The following LRRC7 variants were observed in gnomAD, a reference collection of about 807,000 sequenced individuals.
LRRC7 encodes the protein leucine-rich repeat-containing protein 7.
In LRRC7, 23 loss-of-function variants were observed where a neutral mutation model predicts 175.7. The observed-to-expected ratio is 0.13, with a 90% confidence interval of 0.09 to 0.19. The LOEUF is 0.19. LRRC7 is among the 10% of genes least tolerant of loss of function. LRRC7 has a pLI of 1.00. For synonymous variants in LRRC7, 685 were observed against 680.9 expected, an observed-to-expected ratio of 1.01 and a Z score of -0.09; for missense variants, 1,354 against 1,904.7, an observed-to-expected ratio of 0.71 and a Z score of 5.38.
At chr1:69,849,083 C>T (rs1016633988) in intron 7 of LRRC7, among the ~76,000 whole-genome samples, 1 of 151,968 alleles carries the variant, frequency 6.6e-6, no homozygotes, top group African/African-American at 2.4e-5. Flanking sequence ...TAATAGGACT[C>T]CTGTTCACAT....
intron 7 of LRRC7, chr1:69,874,546 A>G (rs993567110): frequency 6.6e-6 from 1 of 152,114 alleles, no homozygotes; most frequent in African/African-American, 2.4e-5. Context: ...TTTTTATAAA[A>G]CAGGTGTGAG....
intron 1 of LRRC7, among the ~76,000 whole-genome samples, chr1:69,677,353 G>T (rs1445230373): frequency 7.1e-6 from 1 of 141,630 alleles, no homozygotes; most frequent in African/African-American, 2.6e-5. Flanking sequence ...TCATATATTT[G>T]CAATTGTGAA....
chr1:69,801,997 A>G (rs1676569220), intron 4 of LRRC7, among the ~76,000 whole-genome samples: 1 of 149,548 alleles, frequency 6.7e-6, no homozygotes, highest in Admixed American at 6.7e-5. Flanking sequence ...TCAGGGGTAT[A>G]TTGTTTAATT....
rs1317113671 is a variant in LRRC7 at position 70,138,142 on chromosome 1, A to G, written c.*16255A>G. ...GTGTCATTGCGCATCAACTTAGAAA[A>G]TGTGAATTGATTAAAAATATGTGAT... is the stretch of plus-strand genomic sequence containing the variant. On this transcript the variant is annotated 3_prime_UTR_variant, in exon 27 of 27. Coordinates refer to ENST00000651989, the MANE Select transcript of LRRC7 (RefSeq NM_001370785.2). The G allele has an allele frequency of 6.6e-6, 1 of 152,218 alleles. No individual in the cohort carries two copies. The highest frequency in any genetic ancestry group is 1.9e-4 in the East Asian group (1 of 5,200). 9.4% of individuals were successfully genotyped at this position (152,218 alleles called of 1,614,324 possible).
At position 70,036,566 on chromosome 1, in the gene LRRC7, G is replaced by A. The variant is rs1209899583; in HGVS notation, c.2230G>A (p.Val744Met). The A allele has an allele frequency of 1.9e-6, 3 of 1,614,094 alleles. No individual in the cohort carries two copies. The highest frequency in any genetic ancestry group is 2.5e-6 in the Non-Finnish European group (3 of 1,179,964). The change falls in exon 20 of 27, where the codon GTG (valine) becomes ATG (methionine). Residue 744 changes from valine to methionine, a missense_variant. Val to Met is a conservative substitution (Grantham distance 21, BLOSUM62 1). Transcript: ENST00000651989. ...SSGSSNTRVK[V>M]GSLQTTAKDA... ...AGGATCCTCTAATACCCGGGTTAAA[G>A]TGGGGTCCTTGCAGACAACAGCTAA...
At chr1:69,729,242 A>T (rs182192372) in intron 2 of LRRC7, among the ~76,000 whole-genome samples, 30 of 152,198 alleles carry the variant, frequency 2.0e-4, no homozygotes, top group Admixed American at 1.1e-3. Context: ...GCCTCTTCCA[A>T]ATCTCGTGTC....
At chr1:69,757,700 A>G (rs1670584196) in intron 2 of LRRC7, among the ~76,000 whole-genome samples, 2 of 151,956 alleles carry the variant, frequency 1.3e-5, no homozygotes, top group Non-Finnish European at 2.9e-5. Context: ...AAAATGTGCA[A>G]TGATAGCAAC....
intron 7 of LRRC7, among the ~76,000 whole-genome samples, chr1:69,891,318 G>A (rs1189597978): frequency 6.6e-6 from 1 of 152,224 alleles, no homozygotes; most frequent in East Asian, 1.9e-4. Context: ...AGGGAGAGAG[G>A]AATGGTCTTT....
At chr1:70,093,877 G>T (rs17131195) in intron 25 of LRRC7, among the ~76,000 whole-genome samples, 3,869 of 152,160 alleles carry the variant, frequency 0.025, 192 homozygotes, top group African/African-American at 0.09. Context: ...ATTTCCACAG[G>T]ATGTTGTTAG....
At chr1:70,063,804 A>G (rs1661763438) in intron 23 of LRRC7, among the ~76,000 whole-genome samples, 1 of 152,072 alleles carries the variant, frequency 6.6e-6, no homozygotes, top group Admixed American at 6.6e-5. Flanking sequence ...TCATTCTGCT[A>G]TTAAGGATAC....
At chr1:69,812,837 A>G (rs1678098897) in intron 4 of LRRC7, among the ~76,000 whole-genome samples, 1 of 152,138 alleles carries the variant, frequency 6.6e-6, no homozygotes, top group African/African-American at 2.4e-5. Flanking sequence ...ATCATTCAAA[A>G]TTTGGTATTT....
chr1:69,911,933 T>C (rs188448108), intron 7 of LRRC7, among the ~76,000 whole-genome samples: 93 of 151,058 alleles, frequency 6.2e-4, no homozygotes, highest in African/African-American at 1.8e-3. Flanking sequence ...AAAAAAAAAC[T>C]ACAATAATTT....
At chr1:70,031,790 CT>C (rs374163199) in intron 18 of LRRC7, among the ~76,000 whole-genome samples, 31,377 of 140,858 alleles carry the variant, frequency 0.22, 3,252 homozygotes, top group African/African-American at 0.24. Context: ...CAAGGATTTT[CT>C]TTTTTTTTTT....
chr1:69,812,342 C>T (rs191416835), intron 4 of LRRC7, among the ~76,000 whole-genome samples: 23 of 152,142 alleles, frequency 1.5e-4, no homozygotes, highest in Non-Finnish European at 2.6e-4. Flanking sequence ...GTTTCAAACC[C>T]TGGGTAACCT....
intron 24 of LRRC7, among the ~76,000 whole-genome samples, chr1:70,078,216 A>G (rs1218488909): frequency 6.6e-6 from 1 of 152,186 alleles, no homozygotes; most frequent in Non-Finnish European, 1.5e-5. Flanking sequence ...TTATGTATCA[A>G]TAAAAAAGAC....
intron 7 of LRRC7, among the ~76,000 whole-genome samples, chr1:69,878,325 C>T (rs1022469042): frequency 6.6e-6 from 1 of 150,606 alleles, no homozygotes; most frequent in African/African-American, 2.4e-5. Context: ...AGACTGACAT[C>T]TGCATTTAAA....
chr1:70,010,274 A>G (rs1282959210), intron 11 of LRRC7, among the ~76,000 whole-genome samples: 2 of 152,196 alleles, frequency 1.3e-5, no homozygotes, highest in African/African-American at 4.8e-5. Flanking sequence ...TTAACATAAA[A>G]AAGGATGCTG....
At chr1:69,729,297 G>T (rs1667308169) in intron 2 of LRRC7, among the ~76,000 whole-genome samples, 1 of 152,064 alleles carries the variant, frequency 6.6e-6, no homozygotes, top group African/African-American at 2.4e-5. Context: ...AGTCCCCCAA[G>T]GTCTTCACTT....
intron 1 of LRRC7, among the ~76,000 whole-genome samples, chr1:69,622,059 G>C (rs571257445): frequency 6.6e-6 from 1 of 152,220 alleles, no homozygotes; most frequent in South Asian, 2.1e-4. Flanking sequence ...AATTAGACTA[G>C]TAACTTCCTC....
Sources: allele counts gnomAD v4.1 joint callset (sites outside exome capture counted in the v4.1 genomes callset), GRCh38; gene constraint gnomAD v4.1.1; transcripts MANE v1.5; gene names NCBI Gene and HGNC (gene_info 2026-07-23, HGNC 2026-07-21).